APP: variants seen among roughly 807,000 people sequenced by gnomAD.
APP encodes the protein amyloid beta precursor protein.
Under a neutral mutation model 101.4 loss-of-function variants are expected in APP, and 31 were observed. That is an observed-to-expected ratio of 0.31 (90% CI 0.23 to 0.41). The LOEUF (loss-of-function observed/expected upper bound fraction) is 0.41. Among genes scored for constraint, APP ranks in the 10% least tolerant of loss-of-function variants. The pLI, the probability that APP is intolerant of heterozygous loss-of-function variation, is 1.00. For synonymous variants in APP, 366 were observed against 364.4 expected (o/e 1.00, Z -0.05); for missense variants, 839 against 1,003.7 (o/e 0.84, Z 2.22).
At chr21:25,999,443 CG>C (rs2043188952) in intron 7 of APP, among the ~76,000 whole-genome samples, 1 of 152,098 alleles carries the variant, frequency 6.6e-6, no homozygotes, top group Non-Finnish European at 1.5e-5. Flanking sequence ...GGGGGCAAGA[CG>C]GGCACTTCTA....
At chr21:25,955,531 AGGT>A (rs2041275984) in intron 12 of APP, 93 bp downstream of exon 12, 2 of 1,567,982 alleles carry the variant, frequency 1.3e-6, no homozygotes, top group East Asian at 4.5e-5. Context: ...AAACACCTAT[AGGT>A]GCTCGGAGAA....
intron 2 of APP, among the ~76,000 whole-genome samples, chr21:26,097,220 A>G (rs1027377805): frequency 6.6e-6 from 1 of 152,094 alleles, no homozygotes; most frequent in African/African-American, 2.4e-5. Flanking sequence ...TGCCTTGATC[A>G]CTTTATCTGA....
intron 14 of APP, among the ~76,000 whole-genome samples, chr21:25,906,878 G>A (rs111513093): frequency 1.3e-5 from 2 of 152,122 alleles, no homozygotes; most frequent in Non-Finnish European, 2.9e-5. Context: ...CAATAGTTAC[G>A]TTATTAGAAA....
chr21:25,941,801 A>T (rs1237532947), intron 13 of APP: 1 of 152,240 alleles, frequency 6.6e-6, no homozygotes, highest in Non-Finnish European at 1.5e-5. Context: ...AGCCAGCAGC[A>T]ACAGGCCACT....
At chr21:26,047,161 G>A (rs941004606) in intron 5 of APP, among the ~76,000 whole-genome samples, 3 of 151,864 alleles carry the variant, frequency 2.0e-5, no homozygotes, top group African/African-American at 7.3e-5. Context: ...CTTTTTCAAT[G>A]AGGTCATAAA....
In APP at chr21:26,015,709, TCAAAAGAAATCAA is replaced by T. The variant is rs2044024571; in HGVS notation, c.865+6118_865+6130del. 2.6e-5 allele frequency among the ~76,000 whole-genome samples: 4 copies of T among 151,738 alleles called. No homozygotes were observed. In the South Asian group the frequency reaches 8.3e-4, roughly 31 times the overall value. On this transcript the variant is annotated intron_variant, in intron 6 of 17. Coordinates refer to ENST00000346798, the MANE Select transcript of APP (RefSeq NM_000484.4). ...TAACCAAAAAAAAACAAACCCTACCTCAAAAGAAATCAACTTGATATGGCAGTATGTGAAATAG... is the reference window on the plus strand; with the variant it reads ...TAACCAAAAAAAAACAAACCCTACCTCTTGATATGGCAGTATGTGAAATAG...
At chr21:25,941,242 C>T (rs1465000141) in intron 13 of APP, 2 of 152,174 alleles carry the variant, frequency 1.3e-5, no homozygotes, top group South Asian at 2.1e-4. Context: ...TAAGATCAGC[C>T]TGGCTGGCAA....
chr21:25,957,086 C>T (rs2146498382), intron 11 of APP, among the ~76,000 whole-genome samples: 1 of 152,282 alleles, frequency 6.6e-6, no homozygotes, highest in South Asian at 2.1e-4. Context: ...AAAACAAATA[C>T]ATATACACAA....
intron 1 of APP, among the ~76,000 whole-genome samples, chr21:26,150,626 T>TAGATAGATAGACAGAC (rs370206066): frequency 3.3e-4 from 49 of 149,916 alleles, no homozygotes; most frequent in East Asian, 7.9e-4. Flanking sequence ...GACAGATAGA[T>TAGATAGATAGACAGAC]AGACAGACAG....
At chr21:26,140,368 C>G in intron 1 of APP, 1 of 1,489,942 alleles carries the variant, frequency 6.7e-7, no homozygotes, top group Admixed American at 2.1e-5. Context: ...ACTTCTACCA[C>G]GCACAGCAAG....
intron 3 of APP, among the ~76,000 whole-genome samples, chr21:26,054,462 C>T (rs1241338723): frequency 6.6e-6 from 1 of 152,028 alleles, no homozygotes; most frequent in African/African-American, 2.4e-5. Context: ...AAAGAACCAG[C>T]AAGGCATATT....
At chr21:26,080,044 A>C (rs1353641969) in intron 3 of APP, among the ~76,000 whole-genome samples, 2 of 152,072 alleles carry the variant, frequency 1.3e-5, no homozygotes, top group East Asian at 3.9e-4. Flanking sequence ...GAATCACTTG[A>C]ACCCGGGAGG....
chr21:26,094,297 T>C (rs897981272), intron 2 of APP, among the ~76,000 whole-genome samples: 1 of 152,110 alleles, frequency 6.6e-6, no homozygotes, highest in Admixed American at 6.5e-5. Flanking sequence ...AGGAGGTTTA[T>C]TTAAGGGGGA....
At chr21:26,035,537 T>C (rs2045066605) in intron 5 of APP, among the ~76,000 whole-genome samples, 1 of 152,140 alleles carries the variant, frequency 6.6e-6, no homozygotes, top group South Asian at 2.1e-4. Flanking sequence ...CAACTACGTG[T>C]TTGTTAGTTG....
intron 1 of APP, among the ~76,000 whole-genome samples, chr21:26,132,977 C>T (rs753695385): frequency 9.9e-5 from 15 of 152,252 alleles, no homozygotes; most frequent in Non-Finnish European, 1.3e-4. Flanking sequence ...GTGGCTCATG[C>T]CTGTAATCAC....
At position 26,021,865 on chromosome 21, in the gene APP, T is replaced by TGTG. The variant is rs527890624; in HGVS notation, c.837_839dup (p.Thr280dup). 352 of 1,613,284 alleles carry TGTG rather than the reference T, an allele frequency of 2.2e-4. No individual in the cohort carries two copies. Among genetic ancestry groups the TGTG allele is most frequent in the African/African-American group, 6.9e-4 (52 of 74,916 alleles). On this transcript the variant is annotated inframe_insertion, in exon 6 of 18. Transcript: ENST00000346798. ...CTCGAACCACCTCTTCCACAGACTC[T>TGTG]GTGGTGGTGGTGGTGGTGGTGGCAA...
chr21:26,034,974 G>A (rs908192034), intron 5 of APP, among the ~76,000 whole-genome samples: 1 of 152,034 alleles, frequency 6.6e-6, no homozygotes, highest in African/African-American at 2.4e-5. Context: ...TAATGAAGAA[G>A]GGGTGTTTTC....
chr21:26,128,113 T>C lies in APP; in HGVS notation c.58-15967A>G, dbSNP rs185799069. On this transcript the variant is annotated intron_variant, in intron 1 of 17. Coordinates refer to ENST00000346798, the MANE Select transcript of APP (RefSeq NM_000484.4). ...AAAATAGACAATCTTTCCTTGTTTA[T>C]CTGCAAGACGTCTGCCTGCCAAGTT... Among the ~76,000 whole-genome samples the C allele has an allele frequency of 1.8e-4, 27 of 152,330 alleles. No homozygotes were observed. The East Asian group carries it at 5.0e-3, about 28-fold the overall frequency.
chr21:26,116,497 G>A (rs972856572), intron 1 of APP, among the ~76,000 whole-genome samples: 4 of 152,192 alleles, frequency 2.6e-5, no homozygotes, highest in African/African-American at 9.7e-5. Context: ...CCACCTTCTT[G>A]AACAAGTTCT....
Sources: allele counts gnomAD v4.1 joint callset (sites outside exome capture counted in the v4.1 genomes callset), GRCh38; gene constraint gnomAD v4.1.1; transcripts MANE v1.5; gene names NCBI Gene and HGNC (gene_info 2026-07-23, HGNC 2026-07-21).